Variants in FHIT observed in about 807,000 individuals in gnomAD.
FHIT encodes the protein fragile histidine triad diadenosine triphosphatase.
Under a neutral mutation model 17.9 loss-of-function variants are expected in FHIT, and 19 were observed. The observed-to-expected ratio is 1.06, with a 90% CI of 0.74 to 1.56. The LOEUF is 1.56. Ranked by LOEUF, FHIT falls within the 40% of genes most tolerant of loss-of-function variation. The pLI is 0.00. For synonymous variants in FHIT, 81 were observed against 69.7 expected, an observed-to-expected ratio of 1.16 and a Z score of -0.81; for missense variants, 248 against 189.2, an observed-to-expected ratio of 1.31 and a Z score of -1.82.
intron 8 of FHIT, among the ~76,000 whole-genome samples, chr3:59,848,219 C>A (rs888632332): frequency 6.6e-6 from 1 of 152,158 alleles, no homozygotes; most frequent in African/African-American, 2.4e-5. Context: ...GTGCTAAGAA[C>A]TGAAATTGAT....
intron 4 of FHIT, among the ~76,000 whole-genome samples, chr3:60,546,814 A>C (rs1207178487): frequency 6.6e-6 from 1 of 152,158 alleles, no homozygotes; most frequent in Non-Finnish European, 1.5e-5. Context: ...AATGAAGTAT[A>C]CAAAGCATGT....
At chr3:60,369,130 G>C (rs759020155) in intron 5 of FHIT, among the ~76,000 whole-genome samples, 1 of 149,836 alleles carries the variant, frequency 6.7e-6, no homozygotes, top group Non-Finnish European at 1.5e-5. Context: ...GCACCAACAC[G>C]CCTTGCTAAT....
At chr3:61,203,341 C>T (rs909753680) in intron 1 of FHIT, among the ~76,000 whole-genome samples, 6 of 149,504 alleles carry the variant, frequency 4.0e-5, no homozygotes, top group Non-Finnish European at 7.4e-5. Flanking sequence ...AAGAGAGAAA[C>T]TTTTTCTCAA....
At chr3:60,618,283 C>T (rs1553676776) in intron 4 of FHIT, among the ~76,000 whole-genome samples, 2 of 152,090 alleles carry the variant, frequency 1.3e-5, no homozygotes, top group Admixed American at 6.6e-5. Context: ...TACCTATTTT[C>T]CAGTTTGAAT....
At chr3:60,605,997 G>A (rs1438558699) in intron 4 of FHIT, among the ~76,000 whole-genome samples, 1 of 152,126 alleles carries the variant, frequency 6.6e-6, no homozygotes, top group Non-Finnish European at 1.5e-5. Flanking sequence ...CACAATTATA[G>A]AAACCAGGGG....
At chr3:60,278,707 T>A (rs1020924595) in intron 5 of FHIT, among the ~76,000 whole-genome samples, 3 of 133,856 alleles carry the variant, frequency 2.2e-5, no homozygotes, top group Admixed American at 7.9e-5. Flanking sequence ...TAGATTAACA[T>A]AAAACCTCAT....
intron 5 of FHIT, among the ~76,000 whole-genome samples, chr3:60,152,709 C>T (rs1366850517): frequency 6.6e-6 from 1 of 152,170 alleles, no homozygotes; most frequent in African/African-American, 2.4e-5. Context: ...GTTACACATC[C>T]CCTTCTCTAT....
chr3:60,119,622 G>A (rs745586365), intron 5 of FHIT, among the ~76,000 whole-genome samples: 15 of 152,090 alleles, frequency 9.9e-5, no homozygotes, highest in South Asian at 4.2e-4. Context: ...TCATCGTGTC[G>A]GGTAAGGAAA....
At chr3:60,621,033 A>G (rs191149859) in intron 4 of FHIT, among the ~76,000 whole-genome samples, 55 of 152,248 alleles carry the variant, frequency 3.6e-4, no homozygotes, top group African/African-American at 1.3e-3. Context: ...ACCACTCAGA[A>G]GTATCCAGAC....
In FHIT at chr3:60,544,421, G is replaced by A. The variant is rs149022813; in HGVS notation, c.-17-7442C>T. On this transcript the variant is annotated intron_variant, in intron 4 of 9. Coordinates refer to ENST00000492590, the MANE Select transcript of FHIT (RefSeq NM_002012.4). ...CACTGATGACACAATTGCTTGTTCC[G>A]TGCCATTAATGTGGCAAACTACATT... is the stretch of plus-strand genomic sequence containing the variant. 9.9e-5 allele frequency among the ~76,000 whole-genome samples: 15 copies of A among 151,740 alleles called. No homozygotes were observed. In the East Asian group the frequency reaches 2.1e-3, roughly 22 times the overall value.
intron 7 of FHIT, among the ~76,000 whole-genome samples, chr3:59,964,813 T>C (rs1707846750): frequency 6.6e-6 from 1 of 152,152 alleles, no homozygotes. Flanking sequence ...TTATTATTTT[T>C]AAAAGCCCTA....
chr3:60,668,305 A>G (rs527813163), intron 4 of FHIT, among the ~76,000 whole-genome samples: 2 of 147,480 alleles, frequency 1.4e-5, no homozygotes, highest in East Asian at 4.0e-4. Context: ...GAGGCTTCCA[A>G]TTAATCTCTT....
chr3:59,919,257 A>C (rs1378151356), intron 8 of FHIT, among the ~76,000 whole-genome samples: 1 of 152,172 alleles, frequency 6.6e-6, no homozygotes, highest in East Asian at 1.9e-4. Context: ...TGCTTGAGTG[A>C]ATCCAGGGAT....
intron 4 of FHIT, among the ~76,000 whole-genome samples, chr3:60,621,871 CAAAA>C (rs10596787): frequency 4.4e-5 from 6 of 137,086 alleles, no homozygotes; most frequent in Non-Finnish European, 9.6e-5. Flanking sequence ...AGACACTCTC[CAAAA>C]AAAAAAAAAA....
At chr3:60,576,831 C>A (rs1161765155) in intron 4 of FHIT, among the ~76,000 whole-genome samples, 1 of 151,900 alleles carries the variant, frequency 6.6e-6, no homozygotes, top group Non-Finnish European at 1.5e-5. Context: ...AAACCTATCC[C>A]CCTAAAGCCC....
intron 5 of FHIT, among the ~76,000 whole-genome samples, chr3:60,243,032 A>C (rs1341782952): frequency 1.3e-5 from 2 of 151,440 alleles, no homozygotes; most frequent in East Asian, 3.9e-4. Flanking sequence ...TTCTCATTTT[A>C]TCAGTGTGAT....
chr3:60,172,235 C>T (rs1315560889), intron 5 of FHIT, among the ~76,000 whole-genome samples: 1 of 151,882 alleles, frequency 6.6e-6, no homozygotes, highest in Non-Finnish European at 1.5e-5. Context: ...AGTAAATAGG[C>T]CTAGAAGAAG....
At chr3:59,998,936 A>G (rs1195473094) in intron 7 of FHIT, among the ~76,000 whole-genome samples, 1 of 152,140 alleles carries the variant, frequency 6.6e-6, no homozygotes. Flanking sequence ...TCACATTCCT[A>G]AAACACAACT....
chr3:60,542,731 T>C (rs937088283), intron 4 of FHIT, among the ~76,000 whole-genome samples: 10 of 152,212 alleles, frequency 6.6e-5, no homozygotes, highest in South Asian at 2.1e-4. Context: ...GTTCCCTCCA[T>C]TGAACAGAAA....
Sources: allele counts gnomAD v4.1 joint callset (sites outside exome capture counted in the v4.1 genomes callset), GRCh38; gene constraint gnomAD v4.1.1; transcripts MANE v1.5; gene names NCBI Gene and HGNC (gene_info 2026-07-23, HGNC 2026-07-21).